The following ASH1L variants were observed in gnomAD, a reference collection of about 807,000 sequenced individuals.
ASH1L encodes histone-lysine N-methyltransferase ASH1L.
In ASH1L, 23 loss-of-function variants were observed where a neutral mutation model predicts 269.0. That is an observed-to-expected ratio of 0.09 (90% CI 0.06 to 0.12). The LOEUF is 0.12. Ranked by LOEUF, ASH1L falls within the 10% of genes least tolerant of loss-of-function variation. ASH1L has a pLI of 1.00. For missense variants in ASH1L, 2,912 were observed against 3,567.8 expected, an observed-to-expected ratio of 0.82 and a Z score of 4.68; for synonymous variants, 1,187 against 1,253.5, an observed-to-expected ratio of 0.95 and a Z score of 1.12.
chr1:155,379,146 T>C (rs1373844631), intron 8 of ASH1L, among the ~76,000 whole-genome samples: 1 of 151,834 alleles, frequency 6.6e-6, no homozygotes, highest in African/African-American at 2.4e-5. Context: ...TCCAGCATTT[T>C]GCCATAAGGG....
At chr1:155,502,507 G>C (rs561598292) in intron 2 of ASH1L, among the ~76,000 whole-genome samples, 2 of 152,144 alleles carry the variant, frequency 1.3e-5, no homozygotes, top group African/African-American at 4.8e-5. Flanking sequence ...CAGTCTTACT[G>C]AACTGTTTTT....
At chr1:155,465,063 C>G (rs1284407895) in intron 3 of ASH1L, among the ~76,000 whole-genome samples, 1 of 151,728 alleles carries the variant, frequency 6.6e-6, no homozygotes. Context: ...CTAAAACAAA[C>G]CAAAGATATA....
At chr1:155,543,839 T>C (rs1212915626) in intron 1 of ASH1L, among the ~76,000 whole-genome samples, 1 of 151,632 alleles carries the variant, frequency 6.6e-6, no homozygotes, top group African/African-American at 2.4e-5. Context: ...GGGGCTGAGG[T>C]AGAAGAATCA....
chr1:155,422,111 T>C (rs1232533335), intron 5 of ASH1L, among the ~76,000 whole-genome samples: 1 of 152,092 alleles, frequency 6.6e-6, no homozygotes, highest in Non-Finnish European at 1.5e-5. Flanking sequence ...AATCATAAAA[T>C]ATATGTCCAC....
chr1:155,503,708 C>T (rs1283833453), intron 2 of ASH1L, among the ~76,000 whole-genome samples: 1 of 152,080 alleles, frequency 6.6e-6, no homozygotes, highest in Non-Finnish European at 1.5e-5. Context: ...TGTAAACTAC[C>T]ACCCTCTTCC....
chr1:155,435,702 CCA>C (rs1662031671), intron 5 of ASH1L, among the ~76,000 whole-genome samples: 1 of 150,980 alleles, frequency 6.6e-6, no homozygotes, highest in Non-Finnish European at 1.5e-5. Flanking sequence ...AGTGAACATG[CCA>C]CATTAAGAAA....
intron 4 of ASH1L, among the ~76,000 whole-genome samples, chr1:155,447,963 T>C: frequency 6.6e-6 from 1 of 152,256 alleles, no homozygotes; most frequent in Non-Finnish European, 1.5e-5. Flanking sequence ...GTTTTCCCAA[T>C]GTTCTCTTAT....
Position 155,395,597 on chromosome 1 carries a change from T to C in ASH1L, c.6009-44A>G, listed in dbSNP as rs149644746. 5.1e-3 allele frequency: 7,423 copies of C among 1,459,820 alleles called. 32 individuals are homozygous for C. The highest frequency in any genetic ancestry group is 6.2e-3 in the Admixed American group (333 of 53,340). The allele number at this position is 1,459,820 out of a possible 1,614,324, so 90.4% of individuals were successfully genotyped here. ...GGGAAACAGTCAAGAGGCAAAGAAATTTCCTCCTGTGGTCAAATACAGATA... is the reference window on the plus strand; with the variant it reads ...GGGAAACAGTCAAGAGGCAAAGAAACTTCCTCCTGTGGTCAAATACAGATA... On this transcript the variant is annotated intron_variant, in intron 6 of 27. Transcript: ENST00000392403.
chr1:155,416,539 C>CTT (rs1558081008), intron 5 of ASH1L, among the ~76,000 whole-genome samples: 1 of 150,268 alleles, frequency 6.7e-6, no homozygotes, highest in Non-Finnish European at 1.5e-5. Context: ...TTTCTTTTAT[C>CTT]TTTTTTTGTT....
At chr1:155,495,669 A>C (rs573996687) in intron 2 of ASH1L, among the ~76,000 whole-genome samples, 3 of 152,306 alleles carry the variant, frequency 2.0e-5, no homozygotes, top group African/African-American at 7.2e-5. Context: ...CACTTAAGCT[A>C]CATTAAATTT....
intron 5 of ASH1L, among the ~76,000 whole-genome samples, chr1:155,416,421 G>T (rs779755371): frequency 2.0e-5 from 3 of 151,886 alleles, no homozygotes; most frequent in Non-Finnish European, 4.4e-5. Context: ...CCCGGCATGA[G>T]AAAATTTTAA....
In ASH1L at chr1:155,352,723, C is replaced by G; in HGVS notation, c.7349G>C (p.Gly2450Ala). Residue 2450 changes from glycine to alanine, a missense_variant, in exon 17 of 28, where the codon GGT becomes GCT. Physicochemically the swap from Gly to Ala is moderately conservative, Grantham distance 60 (BLOSUM62 0). Coordinates refer to ENST00000392403, the MANE Select transcript of ASH1L (RefSeq NM_018489.3). ...LAQIFKEICD[G>A]IISYKDSSRQ... is the part of the protein sequence containing the mutation. ...ATAGTCACCTTTATAAGAGATGATA[C>G]CATCACAAATTTCTTTGAAGATCTG... 6.2e-7 allele frequency: 1 copy of G among 1,608,962 alleles called. No homozygotes were observed. The highest frequency in any genetic ancestry group is 8.5e-7 in the Non-Finnish European group (1 of 1,178,540).
chr1:155,445,732 C>T (rs901596551), intron 4 of ASH1L, among the ~76,000 whole-genome samples: 6 of 152,122 alleles, frequency 3.9e-5, no homozygotes, highest in Non-Finnish European at 7.3e-5. Flanking sequence ...GGTGACATCT[C>T]AACAATAATG....
intron 7 of ASH1L, among the ~76,000 whole-genome samples, chr1:155,389,328 C>A (rs1202124767): frequency 6.6e-6 from 1 of 151,854 alleles, no homozygotes; most frequent in East Asian, 1.9e-4. Context: ...CAAATAAACC[C>A]TTTACTTGGA....
At chr1:155,402,146 A>AAACG (rs1658913857) in intron 6 of ASH1L, among the ~76,000 whole-genome samples, 1 of 150,304 alleles carries the variant, frequency 6.7e-6, no homozygotes, top group African/African-American at 2.5e-5. Context: ...ACTCCGTCTC[A>AAACG]AACAAACAAA....
chr1:155,479,656 C>T lies in ASH1L; in HGVS notation c.3214G>A (p.Val1072Ile). ...GCCTGTTGAGCTGTTTGCTCAAGAACAGCAAGGCTAGTAGGACTACCAGAA... is the reference window on the plus strand; with the variant it reads ...GCCTGTTGAGCTGTTTGCTCAAGAATAGCAAGGCTAGTAGGACTACCAGAA... ...ILSGSPTSLAVLEQTAQQAAG... is the reference protein window; with the variant it reads ...ILSGSPTSLAILEQTAQQAAG... The change falls in exon 3 of 28, where the codon GTT becomes ATT. Residue 1072 changes from valine to isoleucine, a missense_variant. Transcript: ENST00000392403. 6.2e-7 allele frequency: 1 copy of T among 1,614,186 alleles called. No individual in the cohort carries two copies. Among genetic ancestry groups the T allele is most frequent in the Non-Finnish European group, 8.5e-7 (1 of 1,180,020 alleles).
Position 155,562,699 on chromosome 1 carries a change from C to T in ASH1L, c.-646G>A. ...CGCCAGCCAGCCCGTACGCGCTCAC[C>T]CACAGGAACCCCCTCGTCCAGTCCC... is the stretch of plus-strand genomic sequence containing the variant. On this transcript the variant is annotated 5_prime_UTR_variant, in exon 1 of 28. Transcript: ENST00000392403. 2 of 1,493,854 alleles carry T rather than the reference C, an allele frequency of 1.3e-6. No homozygotes were observed. The highest frequency in any genetic ancestry group is 1.8e-6 in the Non-Finnish European group (2 of 1,112,394). The allele number at this position is 1,493,854 out of a possible 1,614,324, so 92.5% of individuals were successfully genotyped here.
chr1:155,526,545 G>A (rs369973896), intron 1 of ASH1L, among the ~76,000 whole-genome samples: 2 of 152,172 alleles, frequency 1.3e-5, no homozygotes, highest in East Asian at 1.9e-4. Flanking sequence ...AGCCCTTGGT[G>A]CTGCCAATAC....
At chr1:155,435,311 TA>T (rs1181976794) in intron 5 of ASH1L, among the ~76,000 whole-genome samples, 2 of 152,182 alleles carry the variant, frequency 1.3e-5, no homozygotes, top group African/African-American at 4.8e-5. Context: ...AAGAGCTAAA[TA>T]TAAAAAAGCA....
Sources: allele counts gnomAD v4.1 joint callset (sites outside exome capture counted in the v4.1 genomes callset), GRCh38; gene constraint gnomAD v4.1.1; transcripts MANE v1.5; gene names NCBI Gene and HGNC (gene_info 2026-07-23, HGNC 2026-07-21).